RELN: variants seen among roughly 807,000 people sequenced by gnomAD.
The protein encoded by RELN is reelin.
A neutral mutation model predicts 427.6 loss-of-function variants in RELN; 108 were observed. The ratio of observed to expected loss-of-function variants is 0.25; its 90% CI spans 0.22 to 0.30. RELN has a LOEUF of 0.30. RELN is among the 10% of genes least tolerant of loss of function. The probability of loss-of-function intolerance (pLI) is 1.00; values close to 1 mark genes in which losing one functional copy is unlikely to be tolerated. For missense variants in RELN, 3,715 were observed against 4,302.8 expected (o/e 0.86, Z 3.82); for synonymous variants, 1,524 against 1,513.4 (o/e 1.01, Z -0.16).
chr7:103,474,737 C>T lies in RELN; in HGVS notation c.10287-1829G>A, dbSNP rs148690746. Among the ~76,000 whole-genome samples, 94 of 150,786 alleles carry T rather than the reference C, an allele frequency of 6.2e-4. 1 individual carries two copies. The highest frequency in any genetic ancestry group is 2.2e-3 in the African/African-American group (92 of 41,164). ...TGTTACTGCCAGCATCCTCAGTCGC[C>T]TTATAGTTCTTTCCCTGAGCTATTA... On this transcript the variant is annotated intron_variant, in intron 64 of 64. Transcript: ENST00000428762.
rs145844782 is a variant in RELN, at chr7:103,535,412, T to C, written c.7253A>G (p.Asn2418Ser). The change falls in exon 46 of 65, where the codon AAT becomes AGT. Residue 2418 changes from asparagine to serine, a missense_variant. Around this residue, in one of 4 missense-constraint regions of RELN, gnomAD observed 1,310 missense variants for 1,643.0 expected, o/e 0.80. Transcript: ENST00000428762. ...HPLVRDCLPT[N>S]VECSRYHLQR... The stretch of plus-strand genomic sequence containing the variant: ...CAGATGATAGCGACTGCATTCCACA[T>C]TGGTAGGCAGACAGTCCCTTACCAA... 37 of 1,613,820 alleles carry C rather than the reference T, an allele frequency of 2.3e-5. No individual in the cohort carries two copies. The highest frequency in any genetic ancestry group is 3.1e-5 in the Non-Finnish European group (36 of 1,179,838).
At chr7:103,553,155 A>G (rs1830449940) in intron 40 of RELN, among the ~76,000 whole-genome samples, 1 of 152,210 alleles carries the variant, frequency 6.6e-6, no homozygotes, top group Admixed American at 6.5e-5. Flanking sequence ...TCACATAAAA[A>G]GTGTGGAAAT....
chr7:103,681,631 T>A (rs1833654122), intron 11 of RELN, among the ~76,000 whole-genome samples: 1 of 152,118 alleles, frequency 6.6e-6, no homozygotes, highest in Admixed American at 6.6e-5. Flanking sequence ...TCAGGTCTCC[T>A]CTATTTCAAC....
At chr7:103,923,764 T>C (rs1446807498) in intron 1 of RELN, among the ~76,000 whole-genome samples, 1 of 152,130 alleles carries the variant, frequency 6.6e-6, no homozygotes, top group Non-Finnish European at 1.5e-5. Context: ...AAATGTACCA[T>C]AGCCACCCTT....
intron 23 of RELN, among the ~76,000 whole-genome samples, chr7:103,604,125 T>C (rs1275398315): frequency 3.3e-5 from 5 of 152,196 alleles, no homozygotes; most frequent in Non-Finnish European, 7.4e-5. Context: ...AGGCCTTGTC[T>C]TGAGGTTAGA....
intron 22 of RELN, among the ~76,000 whole-genome samples, chr7:103,609,723 T>C (rs889196832): frequency 1.3e-5 from 2 of 152,184 alleles, no homozygotes; most frequent in Non-Finnish European, 2.9e-5. Context: ...TAACCAATTG[T>C]TTTTGTGTAG....
intron 1 of RELN, among the ~76,000 whole-genome samples, chr7:103,920,022 A>G (rs1382671456): frequency 6.6e-6 from 1 of 152,192 alleles, no homozygotes; most frequent in Non-Finnish European, 1.5e-5. Context: ...TTTAAAATAA[A>G]CAAGCTCTCC....
chr7:103,815,866 C>T (rs1792856693), intron 3 of RELN, among the ~76,000 whole-genome samples: 1 of 152,146 alleles, frequency 6.6e-6, no homozygotes, highest in African/African-American at 2.4e-5. Context: ...TTTGAACCAA[C>T]AAAAATGTAT....
chr7:103,578,952 C>T (rs958027274), intron 28 of RELN, among the ~76,000 whole-genome samples: 46 of 152,178 alleles, frequency 3.0e-4, no homozygotes, highest in African/African-American at 1.1e-3. Context: ...AGGAAGGTGT[C>T]TTCATTATAG....
At chr7:103,587,402 T>C (rs911771902) in intron 28 of RELN, among the ~76,000 whole-genome samples, 2 of 152,264 alleles carry the variant, frequency 1.3e-5, no homozygotes, top group African/African-American at 4.8e-5. Context: ...GACTTAAACA[T>C]GAGGCCCCAA....
intron 6 of RELN, among the ~76,000 whole-genome samples, chr7:103,736,476 C>T (rs1003578025): frequency 3.3e-5 from 5 of 152,018 alleles, no homozygotes; most frequent in Non-Finnish European, 5.9e-5. Context: ...ACTGTAAATG[C>T]GAAAATGACA....
rs578110383 is a variant in RELN, at chr7:103,695,007, CTCCAAAAACTAAAAG to C, written c.1143+2831_1143+2845del. ...TGAGTAGGTTGAACAAAAAATACAA[CTCCAAAAACTAAAAG>C]TCCAAAATAAAACAATGTTTTAAAC... On this transcript the variant is annotated intron_variant, in intron 10 of 64. Coordinates refer to ENST00000428762, the MANE Select transcript of RELN (RefSeq NM_005045.4). 3.8e-4 allele frequency among the ~76,000 whole-genome samples: 58 copies of C among 152,146 alleles called. No homozygotes were observed. The East Asian group carries it at 9.9e-3, about 26-fold the overall frequency.
intron 33 of RELN, among the ~76,000 whole-genome samples, chr7:103,565,870 G>A (rs1383647861): frequency 1.3e-5 from 2 of 152,116 alleles, no homozygotes; most frequent in Non-Finnish European, 2.9e-5. Context: ...AATATGTAAT[G>A]ATCAAATCAG....
Position 103,572,208 on chromosome 7 carries a change from T to A in RELN, c.4564A>T (p.Ile1522Phe), listed in dbSNP as rs757322020. The change falls in exon 31 of 65, where the codon ATC (isoleucine) becomes TTC (phenylalanine). Residue 1522 changes from isoleucine (I) to phenylalanine (F), a missense_variant. Physicochemically the swap from Ile to Phe is conservative, Grantham distance 21. This residue lies in a region of RELN where 2,208 missense variants were observed against 2,361.7 expected (regional missense o/e 0.93). Coordinates refer to ENST00000428762, the MANE Select transcript of RELN (RefSeq NM_005045.4). ...CCTTCATTTCTAGTTCTTGGTTTGATGCAGGTAATGCCTGAAGTTTTGCTT... is the reference window on the plus strand; with the variant it reads ...CCTTCATTTCTAGTTCTTGGTTTGAAGCAGGTAATGCCTGAAGTTTTGCTT... The part of the protein sequence containing the change: ...IGSKTSGITC[I>F]KPRTRNEGLI... 6 of 1,592,744 alleles carry A rather than the reference T, an allele frequency of 3.8e-6. No homozygotes were observed. The highest frequency in any genetic ancestry group is 5.2e-6 in the Non-Finnish European group (6 of 1,160,560).
At chr7:103,524,382 A>G (rs902154918) in intron 46 of RELN, among the ~76,000 whole-genome samples, 8 of 129,218 alleles carry the variant, frequency 6.2e-5, no homozygotes, top group African/African-American at 1.5e-4. Context: ...CTTATTTTAC[A>G]TTGATATAAA....
At chr7:103,982,320 G>T (rs868343848) in intron 1 of RELN, among the ~76,000 whole-genome samples, 1 of 152,126 alleles carries the variant, frequency 6.6e-6, no homozygotes, top group Non-Finnish European at 1.5e-5. Flanking sequence ...TGGCTCCCTT[G>T]CAGCTCCATG....
intron 3 of RELN, among the ~76,000 whole-genome samples, chr7:103,819,148 G>A (rs1272577625): frequency 6.6e-6 from 1 of 151,932 alleles, no homozygotes; most frequent in Non-Finnish European, 1.5e-5. Context: ...ATGTACATAG[G>A]CATTGCTTTC....
rs1368351738 is a variant in RELN at position 103,926,675 on chromosome 7, C to CGT, written c.227-9491_227-9490insAC. Among the ~76,000 whole-genome samples, 278 of 122,098 alleles carry CGT rather than the reference C, an allele frequency of 2.3e-3. 1 individual carries two copies. The highest frequency in any genetic ancestry group is 8.6e-3 in the African/African-American group (265 of 30,774). 80.1% of individuals were successfully genotyped at this position (122,098 alleles called of 152,430 possible). On this transcript the variant is annotated intron_variant, in intron 1 of 64. Coordinates refer to ENST00000428762, the MANE Select transcript of RELN (RefSeq NM_005045.4). ...TTTTTTTTTTTTTGAGACGGAGTCT[C>CGT]CCTCTGTCGCCCAGGCTAGAGGGCA...
At chr7:103,726,809 A>C (rs1011883818) in intron 7 of RELN, among the ~76,000 whole-genome samples, 3 of 152,174 alleles carry the variant, frequency 2.0e-5, no homozygotes, top group Admixed American at 2.0e-4. Context: ...ATGGTATATT[A>C]TTTAAAATGT....
Sources: allele counts gnomAD v4.1 joint callset (sites outside exome capture counted in the v4.1 genomes callset), GRCh38; gene constraint gnomAD v4.1.1; regional missense constraint gnomAD v4.1.1; transcripts MANE v1.5; gene names NCBI Gene and HGNC (gene_info 2026-07-23, HGNC 2026-07-21).